UBL3: variants seen among roughly 807,000 people sequenced by gnomAD.
UBL3 encodes the protein ubiquitin-like protein 3.
In UBL3, 6 loss-of-function variants were observed where a neutral mutation model predicts 18.4. The observed-to-expected ratio is 0.33, with a 90% CI of 0.18 to 0.64. The LOEUF (loss-of-function observed/expected upper bound fraction) is 0.64, where lower values mean the gene tolerates loss of function less well. Ranked by LOEUF, UBL3 falls within the 30% of genes least tolerant of loss-of-function variation. The probability of loss-of-function intolerance (pLI) is 0.76; values close to 1 mark genes in which losing one functional copy is unlikely to be tolerated. For synonymous variants in UBL3, 49 were observed against 46.6 expected (o/e 1.05, Z -0.21); for missense variants, 109 against 142.9 (o/e 0.76, Z 1.21).
At chr13:29,772,511 TC>T (rs922660570) in intron 2 of UBL3, among the ~76,000 whole-genome samples, 1 of 152,004 alleles carries the variant, frequency 6.6e-6, no homozygotes, top group African/African-American at 2.4e-5. Context: ...AAAAGAAATA[TC>T]ATTTTAAAAT....
At chr13:29,842,946 A>T (rs1352453121) in intron 1 of UBL3, among the ~76,000 whole-genome samples, 1 of 152,228 alleles carries the variant, frequency 6.6e-6, no homozygotes, top group Non-Finnish European at 1.5e-5. Flanking sequence ...CTCATTTTAA[A>T]CACATATTAT....
At chr13:29,843,104 C>T (rs1160683868) in intron 1 of UBL3, among the ~76,000 whole-genome samples, 2 of 152,174 alleles carry the variant, frequency 1.3e-5, no homozygotes, top group Non-Finnish European at 2.9e-5. Flanking sequence ...AACTATCAAA[C>T]ACAAGAAGTT....
intron 1 of UBL3, among the ~76,000 whole-genome samples, chr13:29,794,044 C>T (rs1467324173): frequency 1.3e-5 from 2 of 152,022 alleles, no homozygotes; most frequent in African/African-American, 2.4e-5. Flanking sequence ...TAAGGTTTCG[C>T]CACGTTGGCC....
chr13:29,793,790 C>CA (rs1877540770), intron 1 of UBL3, among the ~76,000 whole-genome samples: 2 of 152,282 alleles, frequency 1.3e-5, no homozygotes, highest in African/African-American at 4.8e-5. Context: ...CCTCTCATTA[C>CA]AAGAACCAAT....
At chr13:29,817,861 C>A (rs1878325010) in intron 1 of UBL3, among the ~76,000 whole-genome samples, 1 of 152,122 alleles carries the variant, frequency 6.6e-6, no homozygotes, top group South Asian at 2.1e-4. Context: ...TCTCTGTAAG[C>A]CAGGAATTCA....
At chr13:29,838,215 A>G (rs1419366169) in intron 1 of UBL3, among the ~76,000 whole-genome samples, 3 of 152,190 alleles carry the variant, frequency 2.0e-5, no homozygotes, top group African/African-American at 4.8e-5. Flanking sequence ...TTGAAGGTGC[A>G]TAAAGTAGGG....
At chr13:29,822,822 TACACAAAAGGGC>T (rs1180597345) in intron 1 of UBL3, among the ~76,000 whole-genome samples, 6 of 152,158 alleles carry the variant, frequency 3.9e-5, no homozygotes, top group Non-Finnish European at 7.3e-5. Flanking sequence ...GTAAATTGCC[TACACAAAAGGGC>T]ACACAAAAGG....
chr13:29,768,190 A>C (rs1876743717), intron 3 of UBL3, among the ~76,000 whole-genome samples: 1 of 152,116 alleles, frequency 6.6e-6, no homozygotes. Context: ...CCATTAGAAA[A>C]GAACTTTCTT....
chr13:29,777,323 G>C (rs1877026550), intron 1 of UBL3, 60 bp from the exon 2 acceptor site: 1 of 1,341,954 alleles, frequency 7.5e-7, no homozygotes, highest in Non-Finnish European at 1.0e-6. Context: ...TAAAAAAGAA[G>C]ACTCAAAGGC....
intron 1 of UBL3, among the ~76,000 whole-genome samples, chr13:29,824,108 T>C (rs1432108507): frequency 6.6e-6 from 1 of 152,210 alleles, no homozygotes; most frequent in Non-Finnish European, 1.5e-5. Context: ...AGACTATCAC[T>C]GATGGACATA....
rs1876670667 is a variant in UBL3, at chr13:29,766,080, AT to A, written c.*1174del. On this transcript the variant is annotated 3_prime_UTR_variant, in exon 5 of 5. Coordinates refer to ENST00000380680, the MANE Select transcript of UBL3 (RefSeq NM_007106.4). ...AAGAATTTCTTCCCAGTGAAAAAAT[AT>A]AAAAATCTTTCATATTTTTACAGGT... is the stretch of plus-strand genomic sequence containing the variant. 6.6e-6 allele frequency: 1 copy of A among 152,614 alleles called. No individual in the cohort carries two copies. The highest frequency in any genetic ancestry group is 2.4e-5 in the African/African-American group (1 of 41,464). 9.5% of individuals were successfully genotyped at this position (152,614 alleles called of 1,614,324 possible).
At chr13:29,849,422 G>A in intron 1 of UBL3, 90 bp downstream of exon 1, 1 of 1,581,282 alleles carries the variant, frequency 6.3e-7, no homozygotes, top group Non-Finnish European at 8.7e-7. Flanking sequence ...ACAGTCCCCA[G>A]CAAATCTTCG....
Position 29,850,093 on chromosome 13 carries a change from G to C in UBL3, c.-555C>G, listed in dbSNP as rs931908003. The C allele has an allele frequency of 6.6e-6, 1 of 152,364 alleles. No individual in the cohort carries two copies. Among genetic ancestry groups the C allele is most frequent in the Admixed American group, 6.5e-5 (1 of 15,284 alleles). 9.4% of individuals were successfully genotyped at this position (152,364 alleles called of 1,614,324 possible). On this transcript the variant is annotated 5_prime_UTR_variant, in exon 1 of 5. Transcript: ENST00000380680. ...CTGCAGAGCCGCTGTCGGAGCGCCCGCGCGGACAGCGCGGGGAAACGGCTC... is the reference window on the plus strand; with the variant it reads ...CTGCAGAGCCGCTGTCGGAGCGCCCCCGCGGACAGCGCGGGGAAACGGCTC...
rs543776648 is a variant in UBL3, at chr13:29,836,068, ATTAATACAATAGTC to A, written c.27+13430_27+13443del. 2.3e-3 allele frequency among the ~76,000 whole-genome samples: 350 copies of A among 152,308 alleles called. 3 individuals carry two copies. The highest frequency in any genetic ancestry group is 8.3e-3 in the African/African-American group (345 of 41,568). On this transcript the variant is annotated intron_variant, in intron 1 of 4. Transcript: ENST00000380680. ...TCAAAGTAGAAGGATTAGTTCCAAGATTAATACAATAGTCCAGGAGAGAGAGGGTACTTGAACTA... is the reference window on the plus strand; with the variant it reads ...TCAAAGTAGAAGGATTAGTTCCAAGACAGGAGAGAGAGGGTACTTGAACTA...
chr13:29,839,942 A>G (rs563761483), intron 1 of UBL3, among the ~76,000 whole-genome samples: 5 of 147,026 alleles, frequency 3.4e-5, no homozygotes, highest in East Asian at 4.0e-4. Flanking sequence ...AAAAAAAAAA[A>G]AAAAGAAGAT....
chr13:29,782,015 T>A (rs199873833), intron 1 of UBL3, among the ~76,000 whole-genome samples: 1 of 149,546 alleles, frequency 6.7e-6, no homozygotes, highest in East Asian at 2.0e-4. Flanking sequence ...AAAAAAAAAA[T>A]AAAATAAACA....
At position 29,766,276 on chromosome 13, in the gene UBL3, A is replaced by G. The variant is rs1258009771; in HGVS notation, c.*979T>C. 1 of 152,592 alleles carries G rather than the reference A, an allele frequency of 6.6e-6. No homozygotes were observed. The highest frequency in any genetic ancestry group is 1.5e-5 in the Non-Finnish European group (1 of 68,004). The allele number at this position is 152,592 out of a possible 1,614,324, so 9.5% of individuals were successfully genotyped here. On this transcript the variant is annotated 3_prime_UTR_variant, in exon 5 of 5. Transcript: ENST00000380680. ...CACTAATATCAAACGCAAACTATATAAAGAAACAAAATTAGTACTATGGAG... is the reference window on the plus strand; with the variant it reads ...CACTAATATCAAACGCAAACTATATGAAGAAACAAAATTAGTACTATGGAG...
chr13:29,781,317 C>G (rs7997787), intron 1 of UBL3, among the ~76,000 whole-genome samples: 1 of 152,070 alleles, frequency 6.6e-6, no homozygotes, highest in Admixed American at 6.5e-5. Flanking sequence ...AGGATATGTA[C>G]CAAATATAAC....
chr13:29,831,543 G>A (rs182585455), intron 1 of UBL3, among the ~76,000 whole-genome samples: 44 of 150,100 alleles, frequency 2.9e-4, no homozygotes, highest in South Asian at 1.3e-3. Context: ...AGCCAAGATC[G>A]CGTCATTGTA....
Sources: gnomAD v4.1 joint callset for allele counts (sites outside exome capture counted in the v4.1 genomes callset) on GRCh38, gnomAD v4.1.1 for gene constraint, MANE v1.5 for transcripts, NCBI Gene and HGNC (gene_info 2026-07-23, HGNC 2026-07-21) for gene names.